Variants in WDHD1 observed in about 807,000 individuals in gnomAD.
WDHD1 encodes WD repeat and HMG-box DNA binding protein 1.
In WDHD1, 111 loss-of-function variants were observed where a neutral mutation model predicts 135.4. That is an observed-to-expected ratio of 0.82 (90% confidence interval 0.70 to 0.96). WDHD1 has a LOEUF of 0.96. Among genes scored for constraint, WDHD1 ranks in the 40% least tolerant of loss-of-function variants. WDHD1 has a pLI of 0.00. For synonymous variants in WDHD1, 434 were observed against 439.0 expected (o/e 0.99, Z 0.14); for missense variants, 1,351 against 1,336.3 (o/e 1.01, Z -0.17).
Position 54,966,604 on chromosome 14 carries a change from C to G in WDHD1, c.2181G>C (p.Glu727Asp). 2 of 1,602,378 alleles carry G rather than the reference C, an allele frequency of 1.2e-6. No individual in the cohort carries two copies. The highest frequency in any genetic ancestry group is 1.7e-6 in the Non-Finnish European group (2 of 1,176,580). The change falls in exon 18 of 26, where the codon GAG becomes GAC. Residue 727 changes from glutamate (E) to aspartate (D), a missense_variant and splice_region_variant. By Grantham distance (45) the Glu-to-Asp change is conservative. This residue lies in a region of WDHD1 where 1,330 missense variants were observed against 1,296.1 expected (regional missense o/e 1.03). Coordinates refer to ENST00000360586, the MANE Select transcript of WDHD1 (RefSeq NM_007086.4). Reference protein sequence around the residue: ...QIATEKGQMEEQFWRSVIFHN... With the variant: ...QIATEKGQMEDQFWRSVIFHN... The stretch of plus-strand genomic sequence containing the variant: ...GAAATATAACTGAACGCCAAAATTG[C>G]TCCTATAAAAGCAAATAAAATTGCT...
rs184103524 is a variant in WDHD1, at chr14:54,945,181, C to G, written c.3051-711G>C. ...GACTTTTCTCAAGCCCCTTTGCCAT[C>G]GCCTCACCCTTGCTCTCAGAGCTGA... On this transcript the variant is annotated intron_variant, in intron 24 of 25. Coordinates refer to ENST00000360586, the MANE Select transcript of WDHD1 (RefSeq NM_007086.4). Among the ~76,000 whole-genome samples, 687 of 152,270 alleles carry G rather than the reference C, an allele frequency of 4.5e-3. 2 individuals carry two copies. The highest frequency in any genetic ancestry group is 0.02 in the Middle Eastern group (6 of 294).
chr14:54,995,683 T>C lies in WDHD1; in HGVS notation c.1073A>G (p.Glu358Gly). The change falls in exon 11 of 26, where the codon GAG becomes GGG. Residue 358 changes from glutamate to glycine, a missense_variant. Glu to Gly is a moderately conservative substitution (Grantham distance 98). Around this residue, in one of 2 missense-constraint regions of WDHD1, gnomAD observed 1,330 missense variants for 1,296.1 expected, o/e 1.03. Transcript: ENST00000360586. ...AGCCATCATGAGGTCTTCATCATCC[T>C]CATCATCATTTATAATCCCTTTTGA... The part of the protein sequence containing the change: ...SFSKGIINDD[E>G]DDEDLMMASG... 6.2e-7 allele frequency: 1 copy of C among 1,613,822 alleles called. No individual in the cohort carries two copies. The highest frequency in any genetic ancestry group is 8.5e-7 in the Non-Finnish European group (1 of 1,179,882).
At chr14:54,984,975 C>T in intron 14 of WDHD1, 115 bp from the exon 15 acceptor site, 1 of 1,326,454 alleles carries the variant, frequency 7.5e-7, no homozygotes, top group South Asian at 1.4e-5. Flanking sequence ...ACTAGCACTA[C>T]TTTTTATGAA....
At chr14:55,017,340 A>G (rs140400066) in intron 2 of WDHD1, among the ~76,000 whole-genome samples, 6 of 151,840 alleles carry the variant, frequency 4.0e-5, no homozygotes, top group Non-Finnish European at 8.8e-5. Context: ...GGAAAAATCA[A>G]TATTCTTTTT....
Position 54,941,433 on chromosome 14 carries a change from T to C in WDHD1, c.*57A>G. The C allele has an allele frequency of 7.0e-7, 1 of 1,435,666 alleles. No individual in the cohort carries two copies. 88.9% of individuals were successfully genotyped at this position (1,435,666 alleles called of 1,614,324 possible). On this transcript the variant is annotated 3_prime_UTR_variant, in exon 26 of 26. Coordinates refer to ENST00000360586, the MANE Select transcript of WDHD1 (RefSeq NM_007086.4). Reference sequence around the variant, plus strand: ...AATGAGTTTCCCAAAGACTCGAGTCTATATTCAAAGATGAGTAAAAAAAAA... The same window carrying C: ...AATGAGTTTCCCAAAGACTCGAGTCCATATTCAAAGATGAGTAAAAAAAAA...
intron 12 of WDHD1, among the ~76,000 whole-genome samples, chr14:54,990,863 C>G (rs2041774506): frequency 6.6e-6 from 1 of 152,090 alleles, no homozygotes; most frequent in African/African-American, 2.4e-5. Flanking sequence ...AAAGCACCTC[C>G]TTACTAGTGT....
rs2042104536 is a variant in WDHD1 at position 55,008,207 on chromosome 14, G to C, written c.504+109C>G. 2.4e-5 allele frequency: 27 copies of C among 1,112,210 alleles called. No individual in the cohort carries two copies. The South Asian group carries it at 4.0e-4, about 17-fold the overall frequency. 68.9% of individuals were successfully genotyped at this position (1,112,210 alleles called of 1,614,324 possible). On this transcript the variant is annotated intron_variant, in intron 6 of 25. Coordinates refer to ENST00000360586, the MANE Select transcript of WDHD1 (RefSeq NM_007086.4). Reference sequence around the variant, plus strand: ...AAAAACAGTATTTAATGGTACCAAAGAAACAAATTCCAAAGAAAAGCAATT... The same window carrying C: ...AAAAACAGTATTTAATGGTACCAAACAAACAAATTCCAAAGAAAAGCAATT...
At chr14:54,946,818 C>T (rs1007716420) in intron 24 of WDHD1, among the ~76,000 whole-genome samples, 1 of 151,776 alleles carries the variant, frequency 6.6e-6, no homozygotes, top group Admixed American at 6.6e-5. Context: ...CCGAGATGGG[C>T]AAATCGCTTG....
At chr14:54,980,981 C>T (rs770498321) in intron 16 of WDHD1, among the ~76,000 whole-genome samples, 2 of 150,790 alleles carry the variant, frequency 1.3e-5, no homozygotes, top group Non-Finnish European at 1.5e-5. Flanking sequence ...CGTGATGGTG[C>T]GCACCTATAA....
chr14:55,001,738 C>T (rs184427287), intron 8 of WDHD1, among the ~76,000 whole-genome samples: 11 of 152,314 alleles, frequency 7.2e-5, no homozygotes, highest in East Asian at 1.9e-4. Flanking sequence ...TAAATATCTA[C>T]GCATGTAAGA....
At chr14:54,973,364 C>T (rs1219764288) in intron 16 of WDHD1, among the ~76,000 whole-genome samples, 1 of 152,136 alleles carries the variant, frequency 6.6e-6, no homozygotes, top group Non-Finnish European at 1.5e-5. Context: ...GTCTAGTATT[C>T]TTTTTCAAAC....
At chr14:55,026,580 T>C (rs955710120) in intron 2 of WDHD1, 131 bp downstream of exon 2, 45 of 862,472 alleles carry the variant, frequency 5.2e-5, no homozygotes, top group Non-Finnish European at 8.5e-5. Context: ...TAAAGAAATA[T>C]GTGTGCCATT....
Position 54,987,295 on chromosome 14 carries a change from A to G in WDHD1, c.1619T>C (p.Leu540Pro), listed in dbSNP as rs1177792620. 8.7e-6 allele frequency: 14 copies of G among 1,614,036 alleles called. No homozygotes were observed. Among genetic ancestry groups the G allele is most frequent in the Non-Finnish European group, 1.2e-5 (14 of 1,180,034 alleles). The change falls in exon 14 of 26, where the codon CTC becomes CCC. Residue 540 changes from leucine to proline, a missense_variant. Physicochemically the swap from Leu to Pro is moderately conservative, Grantham distance 98. Around this residue, in one of 2 missense-constraint regions of WDHD1, gnomAD observed 1,330 missense variants for 1,296.1 expected, o/e 1.03. Coordinates refer to ENST00000360586, the MANE Select transcript of WDHD1 (RefSeq NM_007086.4). ...AGCGGCAGCAGCCCATCCTTGACCG[A>G]GACATATGGCTTCAATATCCTCATT... The part of the protein sequence containing the change: ...PQNEDIEAIC[L>P]GQGWAAAATS...
At chr14:54,983,438 C>T (rs979608877) in intron 15 of WDHD1, among the ~76,000 whole-genome samples, 4 of 151,430 alleles carry the variant, frequency 2.6e-5, no homozygotes, top group East Asian at 2.0e-4. Flanking sequence ...TTCAGGAGGT[C>T]GAGGCGGGTG....
intron 24 of WDHD1, among the ~76,000 whole-genome samples, chr14:54,949,189 C>T (rs142514170): frequency 0.012 from 1,831 of 152,044 alleles, 28 homozygotes; most frequent in Non-Finnish European, 0.017. Flanking sequence ...AGGCTTCAGA[C>T]GATCAAACCT....
At chr14:54,948,226 C>T (rs1274095312) in intron 24 of WDHD1, among the ~76,000 whole-genome samples, 6 of 152,068 alleles carry the variant, frequency 3.9e-5, no homozygotes, top group Non-Finnish European at 7.4e-5. Flanking sequence ...GTGTGGCACA[C>T]CGAGTGTGAG....
At chr14:55,003,340 T>A (rs1206267410) in intron 7 of WDHD1, among the ~76,000 whole-genome samples, 1 of 151,838 alleles carries the variant, frequency 6.6e-6, no homozygotes, top group South Asian at 2.1e-4. Flanking sequence ...TGAGACCCTG[T>A]CTCTACAAAA....
Position 54,962,871 on chromosome 14 carries a change from T to C in WDHD1, c.2532-18A>G, listed in dbSNP as rs1485711601. On this transcript the variant is annotated intron_variant, in intron 19 of 25. Coordinates refer to ENST00000360586, the MANE Select transcript of WDHD1 (RefSeq NM_007086.4). ...TGCTGTAACTAAGAGAAAATAATATTATTCAATAAAGAGCTATGCAAAGAC... is the reference window on the plus strand; with the variant it reads ...TGCTGTAACTAAGAGAAAATAATATCATTCAATAAAGAGCTATGCAAAGAC... 5.6e-6 allele frequency: 9 copies of C among 1,611,166 alleles called. No homozygotes were observed. In the East Asian group the frequency reaches 2.0e-4, roughly 36 times the overall value.
At chr14:55,023,631 G>C (rs1422643813) in intron 2 of WDHD1, among the ~76,000 whole-genome samples, 1 of 152,178 alleles carries the variant, frequency 6.6e-6, no homozygotes, top group African/African-American at 2.4e-5. Context: ...AAATATATGA[G>C]AATCACCAGA....
Sources: gnomAD v4.1 joint callset for allele counts (sites outside exome capture counted in the v4.1 genomes callset) on GRCh38, gnomAD v4.1.1 for gene constraint, gnomAD v4.1.1 regional missense constraint, MANE v1.5 for transcripts, NCBI Gene and HGNC (gene_info 2026-07-23, HGNC 2026-07-21) for gene names.